Variants in PTPRD observed in about 807,000 individuals in gnomAD.
The protein encoded by PTPRD is protein tyrosine phosphatase receptor type D.
A neutral mutation model predicts 214.5 loss-of-function variants in PTPRD; 34 were observed. The ratio of observed to expected loss-of-function variants is 0.16; its 90% CI spans 0.12 to 0.21. The LOEUF (loss-of-function observed/expected upper bound fraction) is 0.21. Ranked by LOEUF, PTPRD falls within the 10% of genes least tolerant of loss-of-function variation. The pLI is 1.00. For missense variants in PTPRD, 2,545 were observed against 2,398.7 expected (o/e 1.06, Z -1.27); for synonymous variants, 1,128 against 845.7 (o/e 1.33, Z -5.79).
At chr9:10,113,651 C>A (rs1292271485) in intron 3 of PTPRD, among the ~76,000 whole-genome samples, 1 of 152,132 alleles carries the variant, frequency 6.6e-6, no homozygotes, top group African/African-American at 2.4e-5. Context: ...TTTACAAGTG[C>A]CTCCAGAACA....
intron 11 of PTPRD, among the ~76,000 whole-genome samples, chr9:8,787,398 G>A (rs1232329960): frequency 1.3e-5 from 2 of 152,086 alleles, no homozygotes; most frequent in African/African-American, 4.8e-5. Context: ...CCTCATTTCT[G>A]ACGATGACAA....
chr9:8,994,181 C>A lies in PTPRD; in HGVS notation c.-104+24516G>T, dbSNP rs549423558. On this transcript the variant is annotated intron_variant, in intron 11 of 45. Transcript: ENST00000381196. ...CTTCCCCTCTTTCTGTCTCAGTCTC[C>A]CTCCCTCAACCAACTCACTTATTGC... Among the ~76,000 whole-genome samples the A allele has an allele frequency of 6.6e-5, 10 of 152,162 alleles. No homozygotes were observed. In the South Asian group the frequency reaches 2.1e-3, roughly 32 times the overall value.
rs183751007 is a variant in PTPRD at position 10,076,645 on chromosome 9, G to A, written c.-544-42855C>T. The stretch of plus-strand genomic sequence containing the variant: ...GGCTGTCATATATGAGCCTTGCCTA[G>A]GCTGAAGTGACCATCATGTACTCAT... On this transcript the variant is annotated intron_variant, in intron 3 of 45. Coordinates refer to ENST00000381196, the MANE Select transcript of PTPRD (RefSeq NM_002839.4). Among the ~76,000 whole-genome samples the A allele has an allele frequency of 1.7e-3, 252 of 152,232 alleles. 2 individuals carry two copies. Among genetic ancestry groups the A allele is most frequent in the African/African-American group, 5.6e-3 (234 of 41,566 alleles).
intron 4 of PTPRD, among the ~76,000 whole-genome samples, chr9:9,943,904 C>T (rs937519667): frequency 1.3e-5 from 2 of 152,160 alleles, no homozygotes; most frequent in African/African-American, 2.4e-5. Context: ...TTGCCCTAAG[C>T]TGTCCATGCT....
intron 10 of PTPRD, among the ~76,000 whole-genome samples, chr9:9,049,410 T>C (rs1569506074): frequency 6.6e-6 from 1 of 152,186 alleles, no homozygotes; most frequent in Non-Finnish European, 1.5e-5. Context: ...AACCTCTTTA[T>C]TTGAAGACAG....
At chr9:10,576,128 C>T (rs954860225) in intron 2 of PTPRD, among the ~76,000 whole-genome samples, 1 of 152,144 alleles carries the variant, frequency 6.6e-6, no homozygotes, top group Non-Finnish European at 1.5e-5. Context: ...CTATGAATCA[C>T]TTGGGAAGCT....
intron 2 of PTPRD, among the ~76,000 whole-genome samples, chr9:10,403,516 C>T (rs1383574712): frequency 2.0e-5 from 3 of 151,342 alleles, no homozygotes; most frequent in African/African-American, 7.3e-5. Context: ...AACATGAACT[C>T]TCATTCACTG....
At chr9:9,336,907 T>A (rs1569567486) in intron 9 of PTPRD, among the ~76,000 whole-genome samples, 1 of 152,198 alleles carries the variant, frequency 6.6e-6, no homozygotes, top group Admixed American at 6.6e-5. Context: ...GCTATTATTA[T>A]GCTGTTCATT....
intron 4 of PTPRD, among the ~76,000 whole-genome samples, chr9:9,993,253 G>A (rs2096010443): frequency 3.3e-5 from 5 of 152,124 alleles, no homozygotes; most frequent in Admixed American, 2.6e-4. Context: ...ATGGACATAT[G>A]CATAAACAAT....
intron 3 of PTPRD, among the ~76,000 whole-genome samples, chr9:10,091,599 T>C (rs1274302940): frequency 1.3e-5 from 2 of 151,508 alleles, no homozygotes; most frequent in African/African-American, 4.8e-5. Flanking sequence ...TAATTGTTGT[T>C]TGGAATTGTC....
At chr9:10,199,652 A>AT (rs1197715106) in intron 3 of PTPRD, among the ~76,000 whole-genome samples, 13 of 152,022 alleles carry the variant, frequency 8.6e-5, no homozygotes, top group Non-Finnish European at 1.9e-4. Flanking sequence ...ATAATATAAT[A>AT]TTTATTACTT....
intron 10 of PTPRD, among the ~76,000 whole-genome samples, chr9:9,173,281 C>T (rs746882577): frequency 5.3e-5 from 8 of 152,248 alleles, no homozygotes; most frequent in Non-Finnish European, 7.4e-5. Flanking sequence ...TATTTCCCTA[C>T]TTTATCTTGT....
chr9:9,961,992 AG>A (rs2094397311), intron 4 of PTPRD, among the ~76,000 whole-genome samples: 1 of 146,946 alleles, frequency 6.8e-6, no homozygotes, highest in Non-Finnish European at 1.5e-5. Flanking sequence ...AAGGAAAAAA[AG>A]AATTTCATAG....
intron 5 of PTPRD, among the ~76,000 whole-genome samples, chr9:9,811,123 A>T (rs189933754): frequency 2.6e-5 from 4 of 152,246 alleles, no homozygotes. Context: ...CTATAATTCC[A>T]GCTACTCAGG....
intron 11 of PTPRD, among the ~76,000 whole-genome samples, chr9:8,920,335 C>CA (rs902305139): frequency 3.6e-4 from 54 of 148,230 alleles, no homozygotes; most frequent in African/African-American, 4.7e-4. Flanking sequence ...AGTGAGACTC[C>CA]AAAAAAAAAT....
intron 3 of PTPRD, among the ~76,000 whole-genome samples, chr9:10,281,956 C>T (rs2095135624): frequency 6.7e-6 from 1 of 150,052 alleles, no homozygotes; most frequent in Non-Finnish European, 1.5e-5. Flanking sequence ...TATAAAATTC[C>T]AAAAATATTG....
At chr9:9,225,401 A>T (rs1011411731) in intron 9 of PTPRD, among the ~76,000 whole-genome samples, 2 of 152,012 alleles carry the variant, frequency 1.3e-5, no homozygotes, top group African/African-American at 2.4e-5. Flanking sequence ...AATATAGAGC[A>T]CCTCTTACAA....
chr9:8,494,005 CAG>C (rs1386813008), intron 26 of PTPRD, among the ~76,000 whole-genome samples: 3,113 of 91,334 alleles, frequency 0.034, 65 homozygotes, highest in African/African-American at 0.083. Context: ...CACAGACACA[CAG>C]ACACACACAC....
chr9:8,745,568 T>C (rs2092700349), intron 11 of PTPRD, among the ~76,000 whole-genome samples: 1 of 152,196 alleles, frequency 6.6e-6, no homozygotes, highest in Non-Finnish European at 1.5e-5. Context: ...AAAAATTTTC[T>C]AAAGGGTCAA....
Sources: gnomAD v4.1 joint callset for allele counts (sites outside exome capture counted in the v4.1 genomes callset) on GRCh38, gnomAD v4.1.1 for gene constraint, MANE v1.5 for transcripts, NCBI Gene and HGNC (gene_info 2026-07-23, HGNC 2026-07-21) for gene names.